The following ARHGAP44 variants were observed in gnomAD, a reference collection of about 807,000 sequenced individuals.
The protein encoded by ARHGAP44 is rho GTPase-activating protein 44.
ARHGAP44 carries 43 observed loss-of-function variants against 106.8 expected under a neutral mutation model. The observed-to-expected ratio is 0.40, with a 90% CI of 0.32 to 0.52. The LOEUF is 0.52. ARHGAP44 is among the 20% of genes least tolerant of loss of function. ARHGAP44 has a pLI of 0.48. For missense variants in ARHGAP44, 866 were observed against 1,050.5 expected, an observed-to-expected ratio of 0.82 and a Z score of 2.43; for synonymous variants, 439 against 410.3, an observed-to-expected ratio of 1.07 and a Z score of -0.85.
intron 1 of ARHGAP44, among the ~76,000 whole-genome samples, chr17:12,826,800 A>T (rs2034932225): frequency 6.6e-6 from 1 of 152,078 alleles, no homozygotes; most frequent in Non-Finnish European, 1.5e-5. Flanking sequence ...TCCATTTCTT[A>T]CAACAAGCCT....
At chr17:12,967,011 A>G (rs2039406836) in intron 16 of ARHGAP44, among the ~76,000 whole-genome samples, 1 of 151,456 alleles carries the variant, frequency 6.6e-6, no homozygotes, top group Admixed American at 6.6e-5. Context: ...TCCAAATTTT[A>G]TATTTTGGCT....
intron 3 of ARHGAP44, among the ~76,000 whole-genome samples, chr17:12,903,254 G>A (rs2037450004): frequency 6.6e-6 from 1 of 151,066 alleles, no homozygotes; most frequent in Admixed American, 6.6e-5. Flanking sequence ...TGTGTTGCTT[G>A]TGCCCAAGAT....
At chr17:12,939,503 T>G (rs1474461803) in intron 7 of ARHGAP44, among the ~76,000 whole-genome samples, 1 of 152,174 alleles carries the variant, frequency 6.6e-6, no homozygotes, top group East Asian at 1.9e-4. Flanking sequence ...TCTCTCTCTG[T>G]TGCCCAGGCT....
intron 10 of ARHGAP44, 50 bp downstream of exon 10, chr17:12,944,246 C>G: frequency 6.5e-7 from 1 of 1,537,074 alleles, no homozygotes; most frequent in Non-Finnish European, 8.8e-7. Flanking sequence ...TCCTCTTCCA[C>G]GAGACAGAGC....
At position 12,802,291 on chromosome 17, in the gene ARHGAP44, T is replaced by A. The variant is rs115706461; in HGVS notation, c.53+12400T>A. Among the ~76,000 whole-genome samples, 480 of 152,198 alleles carry A rather than the reference T, an allele frequency of 3.2e-3. 4 individuals are homozygous for A. In the Middle Eastern group the frequency reaches 0.041, roughly 13 times the overall value. ...GCTAATTTTAGCAAAAAAGGAGTTT[T>A]GGGAAGGGTGGGGATGGTTGAAAAA... On this transcript the variant is annotated intron_variant, in intron 1 of 20. Coordinates refer to ENST00000379672, the MANE Select transcript of ARHGAP44 (RefSeq NM_014859.6).
At chr17:12,855,882 G>T (rs569420549) in intron 1 of ARHGAP44, among the ~76,000 whole-genome samples, 4 of 152,142 alleles carry the variant, frequency 2.6e-5, no homozygotes, top group East Asian at 1.9e-4. Context: ...TTTGAAATGC[G>T]TTGGGCAGGG....
At chr17:12,989,831 C>T (rs1173589495) in intron 20 of ARHGAP44, among the ~76,000 whole-genome samples, 3 of 152,110 alleles carry the variant, frequency 2.0e-5, no homozygotes, top group East Asian at 1.9e-4. Context: ...TTTGGTTCTA[C>T]GAACTTATGG....
At chr17:12,951,252 T>C (rs976947224) in intron 12 of ARHGAP44, among the ~76,000 whole-genome samples, 1 of 152,208 alleles carries the variant, frequency 6.6e-6, no homozygotes, top group Non-Finnish European at 1.5e-5. Flanking sequence ...ACAAGAACCC[T>C]ATGAAGTGGG....
rs1307649067 is a variant in ARHGAP44, at chr17:12,990,890, T to C, written c.*719T>C. On this transcript the variant is annotated 3_prime_UTR_variant, in exon 21 of 21. Transcript: ENST00000379672. ...CAAAACAAACAAGCCTGACAGTGTC[T>C]GGAGGAGCCAAAGGTGGCCTCCCTG... 1 of 152,630 alleles carries C rather than the reference T, an allele frequency of 6.6e-6. No homozygotes were observed. Among genetic ancestry groups the C allele is most frequent in the African/African-American group, 2.4e-5 (1 of 41,594 alleles). 9.5% of individuals were successfully genotyped at this position (152,630 alleles called of 1,614,324 possible).
intron 1 of ARHGAP44, among the ~76,000 whole-genome samples, chr17:12,880,253 A>C (rs1355851134): frequency 6.6e-6 from 1 of 152,174 alleles, no homozygotes; most frequent in East Asian, 1.9e-4. Context: ...AATGTTAAGA[A>C]GAAAGCTATG....
At chr17:12,971,176 G>A (rs1316116520) in intron 16 of ARHGAP44, among the ~76,000 whole-genome samples, 2 of 152,120 alleles carry the variant, frequency 1.3e-5, no homozygotes, top group Non-Finnish European at 2.9e-5. Context: ...GCCGAAGTTT[G>A]CCAGTGTTAT....
At chr17:12,810,965 G>A (rs1377535334) in intron 1 of ARHGAP44, among the ~76,000 whole-genome samples, 3 of 152,102 alleles carry the variant, frequency 2.0e-5, no homozygotes, top group African/African-American at 4.8e-5. Context: ...TATATTGTAT[G>A]TATTATATAC....
rs549043727 is a variant in ARHGAP44, at chr17:12,900,664, G to A, written c.198+4153G>A. 2.6e-5 allele frequency among the ~76,000 whole-genome samples: 4 copies of A among 152,284 alleles called. No homozygotes were observed. In the East Asian group the frequency reaches 7.7e-4, roughly 29 times the overall value. ...GTATGCCAAGTGCTGAGCCAGCTGA[G>A]CAGGATTTCTGTGCTGCAGAAGCTC... On this transcript the variant is annotated intron_variant, in intron 3 of 20. Coordinates refer to ENST00000379672, the MANE Select transcript of ARHGAP44 (RefSeq NM_014859.6).
At chr17:12,925,375 C>T (rs187167564) in intron 6 of ARHGAP44, among the ~76,000 whole-genome samples, 4 of 152,148 alleles carry the variant, frequency 2.6e-5, no homozygotes, top group Non-Finnish European at 5.9e-5. Flanking sequence ...CCACACATTA[C>T]TGCAGAGTGG....
chr17:12,904,017 T>C (rs890487187), intron 3 of ARHGAP44, among the ~76,000 whole-genome samples: 1 of 152,204 alleles, frequency 6.6e-6, no homozygotes, highest in East Asian at 1.9e-4. Flanking sequence ...TAACTTCTTC[T>C]TACGTACTGT....
intron 1 of ARHGAP44, among the ~76,000 whole-genome samples, chr17:12,835,671 A>G (rs564150120): frequency 6.6e-6 from 1 of 152,360 alleles, no homozygotes; most frequent in African/African-American, 2.4e-5. Flanking sequence ...ACAATTTACC[A>G]TCTTAACCAT....
At chr17:12,815,669 C>T (rs2034578043) in intron 1 of ARHGAP44, among the ~76,000 whole-genome samples, 1 of 152,150 alleles carries the variant, frequency 6.6e-6, no homozygotes, top group Non-Finnish European at 1.5e-5. Flanking sequence ...AGGAACTGCC[C>T]AGGTCCCAAA....
intron 7 of ARHGAP44, among the ~76,000 whole-genome samples, chr17:12,938,582 T>TAAAAAAAAAAAAA (rs67037408): frequency 7.9e-6 from 1 of 127,004 alleles, no homozygotes; most frequent in African/African-American, 2.8e-5. Flanking sequence ...AGCTATATAT[T>TAAAAAAAAAAAAA]AAAAAAAAAA....
Position 12,888,886 on chromosome 17 carries a change from G to A in ARHGAP44, c.54-6054G>A, listed in dbSNP as rs140838490. 7.1e-3 allele frequency among the ~76,000 whole-genome samples: 1,084 copies of A among 152,074 alleles called. 41 individuals carry two copies. The highest frequency in any genetic ancestry group is 0.062 in the Admixed American group (953 of 15,274). ...TTCTTTGTTCTGAAATTGTCTTTAT[G>A]TGACATTAATATAGATACTTCTGCC... On this transcript the variant is annotated intron_variant, in intron 1 of 20. Coordinates refer to ENST00000379672, the MANE Select transcript of ARHGAP44 (RefSeq NM_014859.6).
Sources: gnomAD v4.1 joint callset for allele counts (sites outside exome capture counted in the v4.1 genomes callset) on GRCh38, gnomAD v4.1.1 for gene constraint, MANE v1.5 for transcripts, NCBI Gene and HGNC (gene_info 2026-07-23, HGNC 2026-07-21) for gene names.